Variants in TCF12 observed in about 807,000 individuals in gnomAD.
TCF12 encodes transcription factor 12.
A neutral mutation model predicts 86.0 loss-of-function variants in TCF12; 45 were observed. That is an observed-to-expected ratio of 0.52 (90% CI 0.41 to 0.67). The LOEUF is 0.67. Ranked by LOEUF, TCF12 falls within the 30% of genes least tolerant of loss-of-function variation. TCF12 has a pLI of 0.00. For synonymous variants in TCF12, 330 were observed against 299.6 expected, an observed-to-expected ratio of 1.10 and a Z score of -1.05; for missense variants, 881 against 859.9, an observed-to-expected ratio of 1.02 and a Z score of -0.31.
In TCF12 at chr15:57,069,360, G is replaced by T. The variant is rs1261433764; in HGVS notation, c.222+5537G>T. On this transcript the variant is annotated intron_variant, in intron 4 of 20. Coordinates refer to ENST00000333725, the MANE Select transcript of TCF12 (RefSeq NM_207037.2). ...TTATGGTAGTTATTTTTTTAAAAAA[G>T]AAGCAATATTAAGTTGAGTAGAGTT... 2.0e-5 allele frequency among the ~76,000 whole-genome samples: 3 copies of T among 152,158 alleles called. No homozygotes were observed. In the South Asian group the frequency reaches 6.2e-4, roughly 32 times the overall value.
intron 5 of TCF12, among the ~76,000 whole-genome samples, chr15:57,161,998 G>A (rs1210503985): frequency 1.3e-5 from 2 of 151,912 alleles, no homozygotes; most frequent in African/African-American, 4.8e-5. Flanking sequence ...TGAGAAGTCC[G>A]CCCAAGAGGC....
intron 16 of TCF12, among the ~76,000 whole-genome samples, chr15:57,254,561 A>G (rs1421241931): frequency 7.9e-5 from 12 of 152,152 alleles, no homozygotes; most frequent in Admixed American, 7.2e-4. Flanking sequence ...TATGTAAGTT[A>G]TTAAACTAGT....
chr15:57,243,776 T>C (rs187312712), intron 13 of TCF12, among the ~76,000 whole-genome samples: 23 of 152,360 alleles, frequency 1.5e-4, no homozygotes, highest in African/African-American at 5.5e-4. Flanking sequence ...CTTAATGTAA[T>C]TTGTGATCAT....
At chr15:56,979,159 A>T (rs921062428) in intron 3 of TCF12, among the ~76,000 whole-genome samples, 1 of 152,128 alleles carries the variant, frequency 6.6e-6, no homozygotes, top group Admixed American at 6.6e-5. Flanking sequence ...TTTAACAGGA[A>T]GTTTGATTTA....
intron 4 of TCF12, among the ~76,000 whole-genome samples, chr15:57,083,425 T>C (rs2048436211): frequency 6.6e-6 from 1 of 152,098 alleles, no homozygotes; most frequent in Non-Finnish European, 1.5e-5. Context: ...TATGTTATTT[T>C]AATCATGTTA....
At chr15:57,127,788 G>A (rs2051781662) in intron 5 of TCF12, among the ~76,000 whole-genome samples, 1 of 152,076 alleles carries the variant, frequency 6.6e-6, no homozygotes, top group Admixed American at 6.5e-5. Context: ...TATTACGTCG[G>A]TTGATGAGTT....
At chr15:57,227,086 T>C (rs1320310908) in intron 8 of TCF12, among the ~76,000 whole-genome samples, 1 of 152,182 alleles carries the variant, frequency 6.6e-6, no homozygotes, top group Non-Finnish European at 1.5e-5. Flanking sequence ...CATCCCTTGG[T>C]ACCTTAAAAA....
intron 6 of TCF12, among the ~76,000 whole-genome samples, chr15:57,179,862 G>T (rs2056215388): frequency 6.6e-6 from 1 of 151,760 alleles, no homozygotes; most frequent in Non-Finnish European, 1.5e-5. Flanking sequence ...TATTCAGGTT[G>T]CACAAAGCAT....
At chr15:56,982,027 AC>A (rs2062920038) in intron 3 of TCF12, among the ~76,000 whole-genome samples, 1 of 152,134 alleles carries the variant, frequency 6.6e-6, no homozygotes, top group Non-Finnish European at 1.5e-5. Context: ...ATGTGAGTGG[AC>A]CCATGCAGTT....
chr15:57,170,742 ATAT>A (rs1244652219), intron 6 of TCF12, among the ~76,000 whole-genome samples: 9 of 36,916 alleles, frequency 2.4e-4, no homozygotes, highest in African/African-American at 8.5e-4. Flanking sequence ...TATATAATAT[ATAT>A]TATATATTAT....
At chr15:57,207,518 A>C (rs925425938) in intron 8 of TCF12, among the ~76,000 whole-genome samples, 3 of 152,078 alleles carry the variant, frequency 2.0e-5, no homozygotes, top group African/African-American at 2.4e-5. Context: ...TAAAAATACA[A>C]AAATTAGCCA....
intron 3 of TCF12, among the ~76,000 whole-genome samples, chr15:57,011,597 C>T (rs1294371017): frequency 6.6e-6 from 1 of 152,114 alleles, no homozygotes; most frequent in Non-Finnish European, 1.5e-5. Context: ...CACAATTAGC[C>T]AGAGGCTTCC....
Position 57,227,217 on chromosome 15 carries a change from A to C in TCF12, c.580-3935A>C, listed in dbSNP as rs560944739. Among the ~76,000 whole-genome samples, 16 of 152,180 alleles carry C rather than the reference A, an allele frequency of 1.1e-4. No homozygotes were observed. The East Asian group carries it at 2.7e-3, about 26-fold the overall frequency. The stretch of plus-strand genomic sequence containing the variant: ...AAGAAAAACTATCTTCTTTAGCAAA[A>C]CCTCTGCTTCTTTGCATTTTTTCTC... On this transcript the variant is annotated intron_variant, in intron 8 of 20. Coordinates refer to ENST00000333725, the MANE Select transcript of TCF12 (RefSeq NM_207037.2).
intron 3 of TCF12, among the ~76,000 whole-genome samples, chr15:56,924,081 G>T (rs1344195112): frequency 6.6e-6 from 1 of 151,810 alleles, no homozygotes; most frequent in Non-Finnish European, 1.5e-5. Flanking sequence ...ATTGACATAG[G>T]GCCAGAAAAA....
intron 3 of TCF12, among the ~76,000 whole-genome samples, chr15:57,055,835 CTG>C (rs1425478529): frequency 6.6e-6 from 1 of 152,100 alleles, no homozygotes; most frequent in East Asian, 1.9e-4. Context: ...AAGTTTGTGT[CTG>C]TCACTGCATT....
intron 5 of TCF12, among the ~76,000 whole-genome samples, chr15:57,158,556 T>G (rs1248394740): frequency 6.6e-6 from 1 of 152,156 alleles, no homozygotes; most frequent in Non-Finnish European, 1.5e-5. Flanking sequence ...GGATGCTCCA[T>G]TGGCATTTTA....
intron 18 of TCF12, among the ~76,000 whole-genome samples, chr15:57,263,769 T>A (rs1242680557): frequency 6.6e-6 from 1 of 152,224 alleles, no homozygotes; most frequent in Non-Finnish European, 1.5e-5. Flanking sequence ...CTGTATACCA[T>A]GTTACTGAAC....
chr15:56,998,910 T>C (rs79752934), intron 3 of TCF12, among the ~76,000 whole-genome samples: 1 of 152,066 alleles, frequency 6.6e-6, no homozygotes, highest in African/African-American at 2.4e-5. Flanking sequence ...ACTTAGAAAT[T>C]AGACATGGCT....
intron 9 of TCF12, 94 bp from the exon 10 acceptor site, chr15:57,232,197 A>T: frequency 1.1e-5 from 16 of 1,420,394 alleles, no homozygotes; most frequent in Non-Finnish European, 1.6e-5. Flanking sequence ...GAGGAAAAAT[A>T]TCTGGAGGGT....
Sources: allele counts gnomAD v4.1 joint callset (sites outside exome capture counted in the v4.1 genomes callset), GRCh38; gene constraint gnomAD v4.1.1; transcripts MANE v1.5; gene names NCBI Gene and HGNC (gene_info 2026-07-23, HGNC 2026-07-21).